The following FSTL4 variants were observed in gnomAD, a reference collection of about 807,000 sequenced individuals.
FSTL4 encodes follistatin like 4.
FSTL4 carries 28 observed loss-of-function variants against 78.2 expected under a neutral mutation model. The ratio of observed to expected loss-of-function variants is 0.36; its 90% confidence interval spans 0.27 to 0.49. The LOEUF (loss-of-function observed/expected upper bound fraction) is 0.49. Among genes scored for constraint, FSTL4 ranks in the 20% least tolerant of loss-of-function variants. The probability of loss-of-function intolerance (pLI) is 0.98; values close to 1 mark genes in which losing one functional copy is unlikely to be tolerated. For synonymous variants in FSTL4, 422 were observed against 440.5 expected, an observed-to-expected ratio of 0.96 and a Z score of 0.53; for missense variants, 922 against 1,084.9, an observed-to-expected ratio of 0.85 and a Z score of 2.11.
At position 133,233,472 on chromosome 5, in the gene FSTL4, G is replaced by A. The variant is rs371875962; in HGVS notation, c.960C>T (p.Thr320=). ...GCTGCTCGTGGCCGGAAGCATGGCA[G>A]GTGTAATTGCCCATGTGGATGGTGG... ...KVTTIHMGNY[T]CHASGHEQLF... Residue 320 remains threonine, a synonymous_variant, in exon 8 of 16, where the codon ACC becomes ACT. Transcript: ENST00000265342. The A allele has an allele frequency of 3.5e-5, 56 of 1,614,012 alleles. No individual in the cohort carries two copies. The highest frequency in any genetic ancestry group is 4.7e-5 in the Non-Finnish European group (56 of 1,179,938).
chr5:133,530,533 C>G (rs1759229518), intron 3 of FSTL4, among the ~76,000 whole-genome samples: 1 of 152,178 alleles, frequency 6.6e-6, no homozygotes, highest in Non-Finnish European at 1.5e-5. Flanking sequence ...TTAAATGAAG[C>G]AAATCTAGTT....
At chr5:133,702,811 T>C in the FSTL4 span, among the ~76,000 whole-genome samples, 2 of 152,162 alleles carry the variant, frequency 1.3e-5, no homozygotes, top group Non-Finnish European at 2.9e-5. Context: ...GGCAGGGCTG[T>C]TCGTACGCAG....
intron 4 of FSTL4, among the ~76,000 whole-genome samples, chr5:133,329,385 CAAAA>C (rs1343286322): frequency 6.6e-6 from 1 of 151,658 alleles, no homozygotes; most frequent in Non-Finnish European, 1.5e-5. Flanking sequence ...GGCCAGAACT[CAAAA>C]GAGAGAGAGA....
At chr5:133,514,467 C>G (rs1159333734) in intron 3 of FSTL4, among the ~76,000 whole-genome samples, 1 of 152,096 alleles carries the variant, frequency 6.6e-6, no homozygotes, top group African/African-American at 2.4e-5. Context: ...ACATGTTGGA[C>G]AAACTTTAGA....
At position 133,236,618 on chromosome 5, in the gene FSTL4, T is replaced by C. The variant is rs1469007735; in HGVS notation, c.895-3081A>G. On this transcript the variant is annotated intron_variant, in intron 7 of 15. Coordinates refer to ENST00000265342, the MANE Select transcript of FSTL4 (RefSeq NM_015082.2). The surrounding 1 kb of genome is among the most constrained non-coding windows in gnomAD (Gnocchi z 5.0). ...GGCTTCCGGCCCACAGACTCTGCCCTGAGCCAGCCACATCACGCCCCTCAT... is the reference window on the plus strand; with the variant it reads ...GGCTTCCGGCCCACAGACTCTGCCCCGAGCCAGCCACATCACGCCCCTCAT... Among the ~76,000 whole-genome samples, 1 of 152,190 alleles carries C rather than the reference T, an allele frequency of 6.6e-6. No homozygotes were observed. Among genetic ancestry groups the C allele is most frequent in the Non-Finnish European group, 1.5e-5 (1 of 68,034 alleles).
chr5:133,686,314 G>C, the FSTL4 span, among the ~76,000 whole-genome samples: 6 of 152,208 alleles, frequency 3.9e-5, no homozygotes, highest in Non-Finnish European at 8.8e-5. Flanking sequence ...CTGTAAAATG[G>C]GGATGAGAGA....
At chr5:133,590,654 C>A (rs1760603878) in intron 2 of FSTL4, among the ~76,000 whole-genome samples, 1 of 152,154 alleles carries the variant, frequency 6.6e-6, no homozygotes, top group Non-Finnish European at 1.5e-5. Flanking sequence ...TCTGGAGTCA[C>A]AGGGCCACAA....
At chr5:133,445,237 A>T (rs1757238497) in intron 3 of FSTL4, among the ~76,000 whole-genome samples, 1 of 152,236 alleles carries the variant, frequency 6.6e-6, no homozygotes, top group East Asian at 1.9e-4. Context: ...CAGCTAAAAA[A>T]GCCTTACTGG....
the FSTL4 span, among the ~76,000 whole-genome samples, chr5:133,764,577 G>GGCACATAAAACCAT: frequency 4.6e-5 from 7 of 151,728 alleles, no homozygotes; most frequent in Admixed American, 1.3e-4. Context: ...CCTAAGCACA[G>GGCACATAAAACCAT]GCACATAAAA....
intron 4 of FSTL4, among the ~76,000 whole-genome samples, chr5:133,388,922 T>C (rs890781910): frequency 6.6e-6 from 1 of 152,220 alleles, no homozygotes; most frequent in African/African-American, 2.4e-5. Context: ...GGAACAACTA[T>C]GATTTCTGTA....
intron 4 of FSTL4, among the ~76,000 whole-genome samples, chr5:133,394,775 C>A (rs1299737367): frequency 6.6e-6 from 1 of 152,222 alleles, no homozygotes; most frequent in African/African-American, 2.4e-5. Context: ...CCACCTGCAG[C>A]CCGGTGAGGG....
the FSTL4 span, among the ~76,000 whole-genome samples, chr5:133,783,581 A>G: frequency 4.6e-5 from 7 of 152,194 alleles, no homozygotes; most frequent in African/African-American, 1.7e-4. Flanking sequence ...TCCAGGCAAT[A>G]TCTTTTAAAC....
rs564929599 is a variant in FSTL4 at position 133,463,656 on chromosome 5, T to C, written c.161-62670A>G. ...AACCTCCTAGGACAAATTTCTTACA[T>C]AATCAGAGGACTGGGTTTTTCATAC... is the stretch of plus-strand genomic sequence containing the variant. On this transcript the variant is annotated intron_variant, in intron 3 of 15. Coordinates refer to ENST00000265342, the MANE Select transcript of FSTL4 (RefSeq NM_015082.2). Among the ~76,000 whole-genome samples the C allele has an allele frequency of 2.0e-5, 3 of 152,362 alleles. No individual in the cohort carries two copies. The South Asian group carries it at 6.2e-4, about 32-fold the overall frequency.
Position 133,225,599 on chromosome 5 carries a change from A to C in FSTL4, c.1177+59T>G. On this transcript the variant is annotated intron_variant, in intron 9 of 15. Transcript: ENST00000265342. The surrounding 1 kb of genome is among the most constrained non-coding windows in gnomAD (Gnocchi z 4.6). ...TTATACCTCTCGTTTCCATTCCTGG[A>C]GTCTCAGCTTGATTTGAATGGGAAT... 2.1e-6 allele frequency: 3 copies of C among 1,400,578 alleles called. No homozygotes were observed. The highest frequency in any genetic ancestry group is 2.9e-6 in the Non-Finnish European group (3 of 1,024,476). 86.8% of individuals were successfully genotyped at this position (1,400,578 alleles called of 1,614,324 possible).
chr5:133,268,908 G>A (rs905255169), intron 6 of FSTL4, among the ~76,000 whole-genome samples: 39 of 151,466 alleles, frequency 2.6e-4, no homozygotes, highest in East Asian at 5.8e-4. Flanking sequence ...CAGGCTGGGC[G>A]CGGTGGCTCG....
chr5:133,634,290 G>T, the FSTL4 span, among the ~76,000 whole-genome samples: 15 of 152,246 alleles, frequency 9.9e-5, no homozygotes, highest in East Asian at 2.9e-3. Context: ...TTCTGGGATG[G>T]TTGGGTGAAG....
chr5:133,335,684 G>GGA (rs980224244), intron 4 of FSTL4, among the ~76,000 whole-genome samples: 1 of 151,148 alleles, frequency 6.6e-6, no homozygotes, highest in African/African-American at 2.4e-5. Flanking sequence ...CCTTTCTTGG[G>GGA]GGGGGTGGCA....
At chr5:133,737,031 C>A in the FSTL4 span, among the ~76,000 whole-genome samples, 3,380 of 152,168 alleles carry the variant, frequency 0.022, 124 homozygotes, top group African/African-American at 0.077. Flanking sequence ...TCATGGAGAA[C>A]AGGGTATCCA....
intron 4 of FSTL4, among the ~76,000 whole-genome samples, chr5:133,339,432 C>A (rs1050956700): frequency 1.3e-5 from 2 of 152,078 alleles, no homozygotes; most frequent in African/African-American, 4.8e-5. Flanking sequence ...CCTGACCACT[C>A]CTGGCTGGGT....
Sources: allele counts gnomAD v4.1 joint callset (sites outside exome capture counted in the v4.1 genomes callset), GRCh38; gene constraint gnomAD v4.1.1; non-coding constraint Gnocchi (gnomAD v3.1); transcripts MANE v1.5; gene names NCBI Gene and HGNC (gene_info 2026-07-23, HGNC 2026-07-21).